Variants in DAPK1 observed in about 807,000 individuals in gnomAD.
DAPK1 encodes death-associated protein kinase 1.
A neutral mutation model predicts 144.9 loss-of-function variants in DAPK1; 56 were observed. That is an observed-to-expected ratio of 0.39 (90% CI 0.31 to 0.48). DAPK1 has a LOEUF of 0.48. Among genes scored for constraint, DAPK1 ranks in the 20% least tolerant of loss-of-function variants. The probability of loss-of-function intolerance (pLI) is 0.95; values close to 1 mark genes in which losing one functional copy is unlikely to be tolerated. For missense variants in DAPK1, 1,454 were observed against 1,875.4 expected (o/e 0.78, Z 4.15); for synonymous variants, 690 against 749.0 (o/e 0.92, Z 1.29).
Position 87,651,512 on chromosome 9 carries a change from G to T in DAPK1, c.1627-15G>T. 1 of 1,613,818 alleles carries T rather than the reference G, an allele frequency of 6.2e-7. No homozygotes were observed. The highest frequency in any genetic ancestry group is 8.5e-7 in the Non-Finnish European group (1 of 1,179,750). On this transcript the variant is annotated splice_polypyrimidine_tract_variant and intron_variant, in intron 16 of 25. Transcript: ENST00000408954. ...CAAGTGAAAAGCTCTCATGATCTCT[G>T]GGGTTTGTTTCCAGGACGGACACAT...
In DAPK1 at chr9:87,632,775, G is replaced by C. The variant is rs1404524389; in HGVS notation, c.285-5168G>C. 3 of 981,008 alleles carry C rather than the reference G, an allele frequency of 3.1e-6. No individual in the cohort carries two copies. The East Asian group carries it at 3.4e-4, about 113-fold the overall frequency. 60.8% of individuals were successfully genotyped at this position (981,008 alleles called of 1,614,324 possible). ...AAGAAGGAGGATGAGTATATATGTA[G>C]ATATGAAGGAGAATCAGTGTATATG... On this transcript the variant is annotated intron_variant, in intron 3 of 25. Transcript: ENST00000408954.
intron 19 of DAPK1, among the ~76,000 whole-genome samples, chr9:87,669,477 T>C (rs1358133228): frequency 1.3e-5 from 2 of 152,252 alleles, no homozygotes; most frequent in South Asian, 2.1e-4. Context: ...AACATTTTCT[T>C]CTTTAAACAT....
At position 87,637,934 on chromosome 9, in the gene DAPK1, G is replaced by C. The variant is rs567494444; in HGVS notation, c.285-9G>C. The C allele has an allele frequency of 6.2e-7, 1 of 1,612,932 alleles. No individual in the cohort carries two copies. The highest frequency in any genetic ancestry group is 1.3e-5 in the African/African-American group (1 of 75,022). ...TTGTTACCAATAACCTCTGCTTCCG[G>C]GTTCTCAGCGTTGCAGGTGGCGAGC... On this transcript the variant is annotated splice_polypyrimidine_tract_variant and intron_variant, in intron 3 of 25. Transcript: ENST00000408954.
chr9:87,544,448 A>C (rs999144194), intron 2 of DAPK1, among the ~76,000 whole-genome samples: 8 of 152,222 alleles, frequency 5.3e-5, no homozygotes, highest in African/African-American at 1.9e-4. Context: ...TATATAGTAC[A>C]TGAGAATATA....
At chr9:87,534,098 T>G (rs1010385728) in intron 2 of DAPK1, among the ~76,000 whole-genome samples, 3 of 103,642 alleles carry the variant, frequency 2.9e-5, no homozygotes, top group African/African-American at 7.3e-5. Flanking sequence ...TTATTCCAAT[T>G]TCTTGCGATT....
intron 2 of DAPK1, among the ~76,000 whole-genome samples, chr9:87,540,256 C>G (rs1405613106): frequency 7.6e-6 from 1 of 131,184 alleles, no homozygotes; most frequent in East Asian, 2.5e-4. Context: ...GTGGCACCAT[C>G]TCAGTTCACT....
At chr9:87,663,477 T>C (rs1385635254) in intron 18 of DAPK1, among the ~76,000 whole-genome samples, 2 of 152,058 alleles carry the variant, frequency 1.3e-5, no homozygotes, top group African/African-American at 4.8e-5. Context: ...TTCCTTGTTA[T>C]CTTTCCACCC....
At chr9:87,640,480 G>A (rs772173646) in intron 8 of DAPK1, 30 bp downstream of exon 8, 2 of 1,608,658 alleles carry the variant, frequency 1.2e-6, no homozygotes, top group South Asian at 1.1e-5. Flanking sequence ...AAAGGTGCTT[G>A]GCCACGGCCT....
intron 2 of DAPK1, among the ~76,000 whole-genome samples, chr9:87,558,081 G>A (rs1826783035): frequency 6.6e-6 from 1 of 152,170 alleles, no homozygotes; most frequent in Non-Finnish European, 1.5e-5. Flanking sequence ...ATTTTGATCA[G>A]CAGCATTGTG....
At chr9:87,561,253 G>A (rs1046787594) in intron 2 of DAPK1, among the ~76,000 whole-genome samples, 7 of 152,138 alleles carry the variant, frequency 4.6e-5, no homozygotes, top group Non-Finnish European at 7.3e-5. Context: ...GTGGCCGGGC[G>A]TAGTGGCTCA....
At chr9:87,552,990 C>G (rs1983972) in intron 2 of DAPK1, among the ~76,000 whole-genome samples, 3,675 of 152,230 alleles carry the variant, frequency 0.024, 155 homozygotes, top group African/African-American at 0.083. Context: ...CGTTTATCTC[C>G]AGAACTTTTT....
chr9:87,633,478 A>C, intron 3 of DAPK1: 1 of 680,984 alleles, frequency 1.5e-6, no homozygotes, highest in Non-Finnish European at 1.8e-6. Context: ...TTGCCTGGAC[A>C]GCCATGACAT....
At chr9:87,524,461 G>A (rs547582168) in intron 2 of DAPK1, among the ~76,000 whole-genome samples, 1 of 152,306 alleles carries the variant, frequency 6.6e-6, no homozygotes, top group Admixed American at 6.5e-5. Flanking sequence ...GCACACGCTT[G>A]AGCCCTTGAA....
chr9:87,628,221 G>T (rs969585728), intron 3 of DAPK1, among the ~76,000 whole-genome samples: 1 of 152,148 alleles, frequency 6.6e-6, no homozygotes, highest in Non-Finnish European at 1.5e-5. Flanking sequence ...CTTTTAAGTT[G>T]TTACTTGAAC....
In DAPK1 at chr9:87,515,631, A is replaced by G. The variant is rs370505901; in HGVS notation, c.62+16492A>G. Among the ~76,000 whole-genome samples the G allele has an allele frequency of 1.1e-3, 169 of 152,284 alleles. 1 individual carries two copies. The highest frequency in any genetic ancestry group is 3.9e-3 in the African/African-American group (162 of 41,560). ...CTGCAAGTGAGGTCACAAGTGGTGG[A>G]CACTGCAGTGTTTGCACTAAATACC... On this transcript the variant is annotated intron_variant, in intron 2 of 25. Transcript: ENST00000408954.
intron 3 of DAPK1, among the ~76,000 whole-genome samples, chr9:87,609,467 T>C (rs1020207601): frequency 6.6e-6 from 1 of 152,260 alleles, no homozygotes; most frequent in Non-Finnish European, 1.5e-5. Context: ...GTATTTACGT[T>C]ACCTTGAAGA....
At chr9:87,596,957 T>C (rs1828339174) in intron 2 of DAPK1, among the ~76,000 whole-genome samples, 1 of 152,166 alleles carries the variant, frequency 6.6e-6, no homozygotes, top group South Asian at 2.1e-4. Flanking sequence ...ATCTGAAGAC[T>C]TGATGGCCCA....
intron 2 of DAPK1, among the ~76,000 whole-genome samples, chr9:87,532,749 C>G (rs1407428219): frequency 6.6e-6 from 1 of 152,176 alleles, no homozygotes. Context: ...TCACCTCTCC[C>G]TCTTTTCTTC....
intron 2 of DAPK1, among the ~76,000 whole-genome samples, chr9:87,509,546 G>A (rs988833470): frequency 2.0e-5 from 3 of 152,174 alleles, no homozygotes; most frequent in African/African-American, 7.2e-5. Flanking sequence ...TTTTAGTAGA[G>A]ATGGGGTTTC....
Sources: gnomAD v4.1 joint callset for allele counts (sites outside exome capture counted in the v4.1 genomes callset) on GRCh38, gnomAD v4.1.1 for gene constraint, MANE v1.5 for transcripts, NCBI Gene and HGNC (gene_info 2026-07-23, HGNC 2026-07-21) for gene names.